The following IKBIP variants were observed in gnomAD, a reference collection of about 807,000 sequenced individuals.
The protein encoded by IKBIP is inhibitor of nuclear factor kappa-B kinase-interacting protein.
Under a neutral mutation model 31.0 loss-of-function variants are expected in IKBIP, and 28 were observed. The ratio of observed to expected loss-of-function variants is 0.90; its 90% CI spans 0.67 to 1.24. The LOEUF is 1.24. Ranked by LOEUF, IKBIP falls within the 50% of genes most tolerant of loss-of-function variation. The pLI, the probability that IKBIP is intolerant of heterozygous loss-of-function variation, is 0.00. For synonymous variants in IKBIP, 164 were observed against 160.3 expected (o/e 1.02, Z -0.17); for missense variants, 453 against 441.9 (o/e 1.03, Z -0.23).
At position 98,624,510 on chromosome 12, in the gene IKBIP, C is replaced by G; in HGVS notation, c.*1420G>C. ...AAATTTACATATTAAAACTACTTGA[C>G]CACAACTACCTTTTTGTAACTGACT... On this transcript the variant is annotated 3_prime_UTR_variant, in exon 3 of 3. Transcript: ENST00000299157. 1 of 985,282 alleles carries G rather than the reference C, an allele frequency of 1.0e-6. No individual in the cohort carries two copies. 61.0% of individuals were successfully genotyped at this position (985,282 alleles called of 1,614,324 possible).
downstream of IKBIP, among the ~76,000 whole-genome samples, chr12:98,619,264 G>A (rs1236960946): frequency 6.6e-6 from 1 of 152,016 alleles, no homozygotes; most frequent in African/African-American, 2.4e-5. Context: ...AGGACTAGAC[G>A]GCTACTTTAA....
rs772054722 is a variant in IKBIP, at chr12:98,626,325, C to G, written c.739G>C (p.Ala247Pro). 1 of 1,613,936 alleles carries G rather than the reference C, an allele frequency of 6.2e-7. No homozygotes were observed. The highest frequency in any genetic ancestry group is 8.5e-7 in the Non-Finnish European group (1 of 1,179,920). ...AGATCTTCATCTCTGGCAAAGAGGG[C>G]ATGCTGTTCCTCTTCTAACTTTTCA... ...AIEKLEEEQH[A>P]LFARDEDLTN... Residue 247 changes from alanine (A) to proline (P), a missense_variant, in exon 3 of 3, where the codon GCC becomes CCC. Physicochemically the swap from Ala to Pro is conservative, Grantham distance 27. Coordinates refer to ENST00000299157, the MANE Select transcript of IKBIP (RefSeq NM_153687.4).
At position 98,625,996 on chromosome 12, in the gene IKBIP, AC is replaced by A. The variant is rs749005975; in HGVS notation, c.1067del (p.Ser356IlefsTer8). The A allele has an allele frequency of 6.6e-7, 1 of 1,518,804 alleles. No homozygotes were observed. The highest frequency in any genetic ancestry group is 2.3e-5 in the East Asian group (1 of 43,788). The allele number at this position is 1,518,804 out of a possible 1,614,324, so 94.1% of individuals were successfully genotyped here. ...CTTTTAAAGTTCCCTTTTCTCCTGT[AC>A]TTGAGTATGCTATAAAATCATGAAC... is the stretch of plus-strand genomic sequence containing the variant. ...EKVHDFIAYS[S>X]TGEKGTLKEY... On this transcript the variant is annotated frameshift_variant, in exon 3 of 3. Coordinates refer to ENST00000299157, the MANE Select transcript of IKBIP (RefSeq NM_153687.4). LOFTEE classifies it high-confidence loss of function.
chr12:98,633,507 A>ATTTTTTTTTTTTTT (rs1555211700), intron 2 of IKBIP, among the ~76,000 whole-genome samples: 1 of 96,422 alleles, frequency 1.0e-5, no homozygotes, highest in East Asian at 3.4e-4. Flanking sequence ...TTTTTTTTTA[A>ATTTTTTTTTTTTTT]TTCTTTTTTT....
intron 2 of IKBIP, among the ~76,000 whole-genome samples, chr12:98,618,417 G>A (rs982279553): frequency 6.6e-6 from 1 of 151,644 alleles, no homozygotes; most frequent in Non-Finnish European, 1.5e-5. Flanking sequence ...ACAAGGTCAA[G>A]AGATCGAGAC....
At position 98,626,116 on chromosome 12, in the gene IKBIP, A is replaced by G. The variant is rs139984145; in HGVS notation, c.948T>C (p.Ser316=). 1.3e-5 allele frequency: 21 copies of G among 1,605,554 alleles called. No individual in the cohort carries two copies. The African/African-American group carries it at 2.7e-4, about 20-fold the overall frequency. ...GGGTTTTCTGCATCTCCATTATTTCAGACACTGCTTTCAGCATATCATCTT... is the reference window on the plus strand; with the variant it reads ...GGGTTTTCTGCATCTCCATTATTTCGGACACTGCTTTCAGCATATCATCTT... ...NMEDDMLKAV[S]EIMEMQKTLE... The change falls in exon 3 of 3, where the codon TCT becomes TCC. Residue 316 remains serine (S), a synonymous_variant. Transcript: ENST00000299157.
chr12:98,634,444 C>T, intron 1 of IKBIP, 31 bp from the exon 2 acceptor site: 1 of 1,045,562 alleles, frequency 9.6e-7, no homozygotes, highest in East Asian at 2.4e-5. Flanking sequence ...CACTATTCTC[C>T]AATTCATATC....
At chr12:98,644,409 G>C (rs1347652287) in intron 1 of IKBIP, 114 bp downstream of exon 1, 1 of 1,013,608 alleles carries the variant, frequency 9.9e-7, no homozygotes, top group African/African-American at 1.7e-5. Context: ...CAGAGGCACA[G>C]AAGGCCCAGG....
At chr12:98,641,888 C>A (rs1279211402) in intron 1 of IKBIP, among the ~76,000 whole-genome samples, 1 of 152,188 alleles carries the variant, frequency 6.6e-6, no homozygotes, top group Non-Finnish European at 1.5e-5. Flanking sequence ...CTCCTGACCT[C>A]AAGCAATTCT....
At position 98,626,550 on chromosome 12, in the gene IKBIP, T is replaced by C. The variant is rs1200129649; in HGVS notation, c.514A>G (p.Ile172Val). 1 of 1,613,118 alleles carries C rather than the reference T, an allele frequency of 6.2e-7. No homozygotes were observed. Among genetic ancestry groups the C allele is most frequent in the Admixed American group, 1.7e-5 (1 of 60,002 alleles). Residue 172 changes from isoleucine to valine, a missense_variant, in exon 3 of 3, where the codon ATT becomes GTT. Ile to Val is a conservative substitution (Grantham distance 29). Transcript: ENST00000299157. ...SLEEMNINTD[I>V]FKSEAKHIHS... Reference sequence around the variant, plus strand: ...ATATGTTTTGCTTCTGATTTGAAAATGTCTGTATTAATGTTCATTTCTTCT... The same window carrying C: ...ATATGTTTTGCTTCTGATTTGAAAACGTCTGTATTAATGTTCATTTCTTCT...
downstream of IKBIP, among the ~76,000 whole-genome samples, chr12:98,621,857 C>T (rs1450444238): frequency 2.0e-5 from 3 of 151,712 alleles, no homozygotes; most frequent in Non-Finnish European, 2.9e-5. Flanking sequence ...GTAGACGGAT[C>T]ACGAGGTCAA....
At chr12:98,631,413 T>TG (rs2097620100) in intron 2 of IKBIP, among the ~76,000 whole-genome samples, 1 of 151,352 alleles carries the variant, frequency 6.6e-6, no homozygotes, top group Non-Finnish European at 1.5e-5. Flanking sequence ...CCTGAGTAGC[T>TG]GGGACTACAG....
chr12:98,624,752 A>G lies in IKBIP; in HGVS notation c.*1178T>C. 1 of 892,580 alleles carries G rather than the reference A, an allele frequency of 1.1e-6. No homozygotes were observed. Among genetic ancestry groups the G allele is most frequent in the Non-Finnish European group, 1.3e-6 (1 of 745,500 alleles). The allele number at this position is 892,580 out of a possible 1,614,324, so 55.3% of individuals were successfully genotyped here. A position where few individuals can be genotyped will look rare whatever the true frequency, so the allele number is the denominator to read the frequency against. The stretch of plus-strand genomic sequence containing the variant: ...ACTATCATAGTTATTATCATAATTA[A>G]TTATCAGAGTTATGTTACTTTTCCC... On this transcript the variant is annotated 3_prime_UTR_variant, in exon 3 of 3. Coordinates refer to ENST00000299157, the MANE Select transcript of IKBIP (RefSeq NM_153687.4).
At chr12:98,616,049 T>G (rs1354503728) in intron 2 of IKBIP, among the ~76,000 whole-genome samples, 3 of 143,704 alleles carry the variant, frequency 2.1e-5, no homozygotes, top group East Asian at 2.0e-4. Flanking sequence ...TTATTCTTAG[T>G]TTTTTTTTTT....
chr12:98,632,345 G>A (rs550717921), intron 2 of IKBIP, among the ~76,000 whole-genome samples: 127 of 149,400 alleles, frequency 8.5e-4, no homozygotes, highest in African/African-American at 2.5e-3. Context: ...GTGCAGTGGC[G>A]TGCCTGTTAG....
chr12:98,622,622 T>G (rs901599338), downstream of IKBIP, among the ~76,000 whole-genome samples: 3 of 140,374 alleles, frequency 2.1e-5, no homozygotes, highest in East Asian at 2.0e-4. Context: ...ACAAAGGATG[T>G]TTTTTTTTTT....
chr12:98,616,662 A>G (rs2097606452), intron 2 of IKBIP, among the ~76,000 whole-genome samples: 1 of 152,110 alleles, frequency 6.6e-6, no homozygotes, highest in South Asian at 2.1e-4. Flanking sequence ...TGGTTTTTGT[A>G]TATGGTTTGA....
At position 98,635,005 on chromosome 12, in the gene IKBIP, G is replaced by A. The variant is rs1232302073; in HGVS notation, c.180-592C>T. On this transcript the variant is annotated intron_variant, in intron 1 of 2. Coordinates refer to ENST00000299157, the MANE Select transcript of IKBIP (RefSeq NM_153687.4). ...ATTACAGGCGTGAGCCACCACGCCC[G>A]GTATTTTTTTTTTTTTTTAGATGGA... 1.4e-4 allele frequency among the ~76,000 whole-genome samples: 20 copies of A among 142,472 alleles called. 1 individual carries two copies. The highest frequency in any genetic ancestry group is 4.6e-4 in the South Asian group (2 of 4,386). 93.5% of individuals were successfully genotyped at this position (142,472 alleles called of 152,430 possible).
downstream of IKBIP, among the ~76,000 whole-genome samples, chr12:98,622,445 C>T (rs187590523): frequency 2.0e-5 from 3 of 152,062 alleles, no homozygotes; most frequent in Non-Finnish European, 4.4e-5. Flanking sequence ...TCCCTTGGGC[C>T]CAGGAAGTTG....
Sources: allele counts gnomAD v4.1 joint callset (sites outside exome capture counted in the v4.1 genomes callset), GRCh38; gene constraint gnomAD v4.1.1; transcripts MANE v1.5; gene names NCBI Gene and HGNC (gene_info 2026-07-23, HGNC 2026-07-21).